Variants in MAP3K20 observed in about 807,000 individuals in gnomAD.
MAP3K20 encodes the protein HCCS-4.
In MAP3K20, 40 loss-of-function variants were observed where a neutral mutation model predicts 85.7. The observed-to-expected ratio is 0.47, with a 90% confidence interval of 0.36 to 0.61. The LOEUF (loss-of-function observed/expected upper bound fraction) is 0.61. Ranked by LOEUF, MAP3K20 falls within the 20% of genes least tolerant of loss-of-function variation. MAP3K20 has a pLI of 0.00. For missense variants in MAP3K20, 817 were observed against 961.7 expected, an observed-to-expected ratio of 0.85 and a Z score of 1.99; for synonymous variants, 325 against 327.7, an observed-to-expected ratio of 0.99 and a Z score of 0.09.
At chr2:173,221,509 T>C (rs1684250406) in intron 11 of MAP3K20, 6 of 1,593,172 alleles carry the variant, frequency 3.8e-6, no homozygotes, top group Non-Finnish European at 5.1e-6. Context: ...AGGAGGATAA[T>C]GACATGGATA....
intron 8 of MAP3K20, among the ~76,000 whole-genome samples, chr2:173,199,589 A>G (rs1228675990): frequency 6.6e-6 from 1 of 152,044 alleles, no homozygotes. Flanking sequence ...GACCTTGTGT[A>G]GACTCTGGAA....
chr2:173,250,498 C>T (rs1039624506), intron 16 of MAP3K20, among the ~76,000 whole-genome samples: 2 of 152,128 alleles, frequency 1.3e-5, no homozygotes, highest in East Asian at 1.9e-4. Context: ...AACAAACTGG[C>T]GTCATGTTTT....
intron 2 of MAP3K20, among the ~76,000 whole-genome samples, chr2:173,152,886 G>A (rs1256441284): frequency 1.3e-5 from 2 of 152,162 alleles, no homozygotes; most frequent in African/African-American, 2.4e-5. Context: ...GGGAATGCTG[G>A]TAGCTGCCCA....
At chr2:173,097,462 T>A (rs537013206) in intron 2 of MAP3K20, among the ~76,000 whole-genome samples, 1 of 151,578 alleles carries the variant, frequency 6.6e-6, no homozygotes, top group Non-Finnish European at 1.5e-5. Context: ...GTACATAGTA[T>A]TTTTTTTTCT....
intron 2 of MAP3K20, among the ~76,000 whole-genome samples, chr2:173,106,206 C>T (rs915658885): frequency 1.3e-5 from 2 of 152,130 alleles, no homozygotes; most frequent in Non-Finnish European, 2.9e-5. Flanking sequence ...GATTGTAAAG[C>T]ATATGGCAGT....
At chr2:173,147,743 C>A (rs1328621282) in intron 2 of MAP3K20, among the ~76,000 whole-genome samples, 1 of 152,032 alleles carries the variant, frequency 6.6e-6, no homozygotes, top group Non-Finnish European at 1.5e-5. Context: ...CCTGCCACCA[C>A]GCCCGGCTAA....
At chr2:173,144,514 G>T (rs1199381531) in intron 2 of MAP3K20, among the ~76,000 whole-genome samples, 2 of 141,906 alleles carry the variant, frequency 1.4e-5, no homozygotes, top group African/African-American at 5.3e-5. Flanking sequence ...GAAGAGAAAA[G>T]AAAAAAAAGA....
chr2:173,110,219 ATATATATATATATATATATATATTTTT>A (rs1331637656), intron 2 of MAP3K20, among the ~76,000 whole-genome samples: 11 of 7,074 alleles, frequency 1.6e-3, no homozygotes, highest in African/African-American at 3.9e-3. Context: ...ATATATATAT[ATATATATATATATATATATATATTTTT>A]TTTTTTTTTT....
At chr2:173,077,033 TGTTA>T (rs1480348198) in intron 1 of MAP3K20, among the ~76,000 whole-genome samples, 1 of 149,450 alleles carries the variant, frequency 6.7e-6, no homozygotes, top group Admixed American at 6.9e-5. Flanking sequence ...TTACTATTTT[TGTTA>T]GTTTCTGTAA....
At chr2:173,203,922 T>C in intron 9 of MAP3K20, 52 bp downstream of exon 9, 1 of 1,542,178 alleles carries the variant, frequency 6.5e-7, no homozygotes, top group Non-Finnish European at 9.0e-7. Context: ...TTCTCTTGTT[T>C]GGCTTTCAGT....
intron 2 of MAP3K20, among the ~76,000 whole-genome samples, chr2:173,159,678 C>T (rs1046958720): frequency 3.9e-5 from 6 of 152,206 alleles, no homozygotes; most frequent in African/African-American, 1.4e-4. Flanking sequence ...AGGTGAGCCA[C>T]CACACCTGGC....
intron 16 of MAP3K20, among the ~76,000 whole-genome samples, chr2:173,243,893 T>TTACA (rs1684856209): frequency 2.0e-5 from 3 of 152,204 alleles, no homozygotes; most frequent in Non-Finnish European, 4.4e-5. Context: ...CCCAAAGTGC[T>TTACA]GGGATTACAG....
chr2:173,160,149 G>A (rs1422813641), intron 2 of MAP3K20: 1 of 152,122 alleles, frequency 6.6e-6, no homozygotes, highest in Non-Finnish European at 1.5e-5. Context: ...TTTGAATTCA[G>A]TTCATTTATC....
chr2:173,222,034 C>T, intron 11 of MAP3K20: 2 of 971,278 alleles, frequency 2.1e-6, no homozygotes, highest in Middle Eastern at 1.1e-3. Context: ...AAGACCTCGT[C>T]TCTACTAATA....
intron 10 of MAP3K20, among the ~76,000 whole-genome samples, chr2:173,215,454 T>A (rs556931621): frequency 8.5e-5 from 13 of 152,216 alleles, no homozygotes; most frequent in Non-Finnish European, 1.5e-4. Flanking sequence ...GTCAGAAATA[T>A]CAGGGATAAA....
At chr2:173,110,323 G>A (rs1687934056) in intron 2 of MAP3K20, among the ~76,000 whole-genome samples, 1 of 130,264 alleles carries the variant, frequency 7.7e-6, no homozygotes, top group African/African-American at 3.0e-5. Context: ...GTGTGATCAT[G>A]GCTCACTGCA....
intron 9 of MAP3K20, among the ~76,000 whole-genome samples, chr2:173,205,478 G>A (rs985564078): frequency 6.6e-6 from 1 of 152,164 alleles, no homozygotes; most frequent in Non-Finnish European, 1.5e-5. Context: ...GGTTCATAAT[G>A]TTTCCCAACA....
chr2:173,136,461 G>T (rs1402273337), intron 2 of MAP3K20, among the ~76,000 whole-genome samples: 1 of 152,194 alleles, frequency 6.6e-6, no homozygotes, highest in East Asian at 1.9e-4. Context: ...TGGCATTTTG[G>T]ATTGTGTTCT....
intron 2 of MAP3K20, among the ~76,000 whole-genome samples, chr2:173,119,961 C>G (rs1040732529): frequency 6.6e-6 from 1 of 152,096 alleles, no homozygotes; most frequent in Non-Finnish European, 1.5e-5. Flanking sequence ...AAGGAGAGAT[C>G]AGAGAGAAAT....
Sources: gnomAD v4.1 joint callset for allele counts (sites outside exome capture counted in the v4.1 genomes callset) on GRCh38, gnomAD v4.1.1 for gene constraint, MANE v1.5 for transcripts, NCBI Gene and HGNC (gene_info 2026-07-23, HGNC 2026-07-21) for gene names.